Variants in CYB5R4 observed in about 807,000 individuals in gnomAD.
CYB5R4 encodes the protein N-terminal cytochrome b5 and cytochrome b5 oxidoreductase domain-containing protein.
A neutral mutation model predicts 70.2 loss-of-function variants in CYB5R4; 55 were observed. That is an observed-to-expected ratio of 0.78 (90% confidence interval 0.63 to 0.98). CYB5R4 has a LOEUF of 0.98. CYB5R4 is among the 50% of genes least tolerant of loss of function. The pLI is 0.00. For synonymous variants in CYB5R4, 197 were observed against 199.5 expected, an observed-to-expected ratio of 0.99 and a Z score of 0.11; for missense variants, 562 against 612.6, an observed-to-expected ratio of 0.92 and a Z score of 0.87.
At chr6:83,950,142 C>T (rs1482202360) in intron 14 of CYB5R4, among the ~76,000 whole-genome samples, 7 of 152,046 alleles carry the variant, frequency 4.6e-5, no homozygotes, top group African/African-American at 1.7e-4. Context: ...GAATACTACT[C>T]TTTCTATTTC....
chr6:83,924,986 A>C lies in CYB5R4; in HGVS notation c.814+394A>C, dbSNP rs562943599. ...AGACATGTTTACTATTTTTCTTCTT[A>C]ATTAAACTGGTTTCTCAGTTTACTT... On this transcript the variant is annotated intron_variant, in intron 10 of 15. Coordinates refer to ENST00000369681, the MANE Select transcript of CYB5R4 (RefSeq NM_016230.4). 5.3e-5 allele frequency among the ~76,000 whole-genome samples: 8 copies of C among 152,248 alleles called. No homozygotes were observed. In the South Asian group the frequency reaches 1.7e-3, roughly 32 times the overall value.
chr6:83,935,003 C>T (rs1350813179), intron 11 of CYB5R4, among the ~76,000 whole-genome samples: 2 of 152,028 alleles, frequency 1.3e-5, no homozygotes, highest in African/African-American at 4.8e-5. Flanking sequence ...ACTAACAAAA[C>T]CCTAAAGGAA....
intron 14 of CYB5R4, among the ~76,000 whole-genome samples, chr6:83,948,078 T>C (rs1350762774): frequency 2.6e-5 from 4 of 152,212 alleles, no homozygotes; most frequent in African/African-American, 9.6e-5. Flanking sequence ...CATGTATGTT[T>C]ATTGCAGCAC....
At chr6:83,924,614 C>G (rs372472919) in intron 10 of CYB5R4, 22 bp downstream of exon 10, 2 of 1,604,786 alleles carry the variant, frequency 1.2e-6, no homozygotes, top group East Asian at 2.2e-5. Context: ...TCTTTTGTTA[C>G]GTTAATTTCA....
intron 14 of CYB5R4, among the ~76,000 whole-genome samples, chr6:83,942,120 C>T (rs1208003747): frequency 6.6e-6 from 1 of 152,074 alleles, no homozygotes; most frequent in Non-Finnish European, 1.5e-5. Context: ...CTGTCTTCAC[C>T]GTTAGAGCTT....
At chr6:83,910,451 A>G (rs2099464499) in intron 4 of CYB5R4, among the ~76,000 whole-genome samples, 2 of 151,920 alleles carry the variant, frequency 1.3e-5, no homozygotes, top group South Asian at 2.1e-4. Context: ...TCCTTCTGCT[A>G]TAGGGCCCGT....
rs1314602467 is a variant in CYB5R4 at position 83,921,062 on chromosome 6, A to G, written c.565-20A>G. On this transcript the variant is annotated intron_variant, in intron 7 of 15. Transcript: ENST00000369681. ...GAAAATTTTACTTTCTAATCTTTCT[A>G]TTTTTGCTTTCTCTTTAAGGATATC... The G allele has an allele frequency of 4.1e-6, 6 of 1,449,248 alleles. No individual in the cohort carries two copies. The highest frequency in any genetic ancestry group is 5.0e-5 in the East Asian group (2 of 39,646). The allele number at this position is 1,449,248 out of a possible 1,614,324, so 89.8% of individuals were successfully genotyped here.
intron 3 of CYB5R4, among the ~76,000 whole-genome samples, chr6:83,898,494 T>A (rs2099462307): frequency 6.6e-6 from 1 of 152,216 alleles, no homozygotes; most frequent in Non-Finnish European, 1.5e-5. Context: ...TTTCCAGTTC[T>A]GTGAAGAAAG....
intron 3 of CYB5R4, among the ~76,000 whole-genome samples, chr6:83,900,151 AT>A (rs2099462660): frequency 6.6e-6 from 1 of 152,122 alleles, no homozygotes; most frequent in Non-Finnish European, 1.5e-5. Flanking sequence ...TGTCCCAGAA[AT>A]TCTGGTATGT....
intron 2 of CYB5R4, among the ~76,000 whole-genome samples, chr6:83,878,065 G>A (rs1025481635): frequency 1.3e-5 from 2 of 152,082 alleles, no homozygotes; most frequent in Middle Eastern, 3.4e-3. Context: ...TAAGTTTGCA[G>A]AGTCTTTCCT....
intron 10 of CYB5R4, among the ~76,000 whole-genome samples, chr6:83,934,358 CATT>C (rs2099468609): frequency 6.6e-6 from 1 of 151,748 alleles, no homozygotes; most frequent in South Asian, 2.1e-4. Flanking sequence ...AAATAACACT[CATT>C]AAGTTCATTT....
At chr6:83,941,052 CA>C (rs1275797730) in intron 14 of CYB5R4, among the ~76,000 whole-genome samples, 2 of 152,128 alleles carry the variant, frequency 1.3e-5, no homozygotes, top group African/African-American at 4.8e-5. Context: ...ATTTTTTATG[CA>C]TTGCTTAGCA....
At chr6:83,888,188 G>A (rs2099460539) in intron 2 of CYB5R4, among the ~76,000 whole-genome samples, 1 of 152,070 alleles carries the variant, frequency 6.6e-6, no homozygotes, top group Admixed American at 6.6e-5. Context: ...AAATTTAGAT[G>A]GTTTCAAAAT....
intron 15 of CYB5R4, among the ~76,000 whole-genome samples, 158 bp downstream of exon 15, chr6:83,955,620 G>C (rs1341028099): frequency 6.6e-6 from 1 of 152,186 alleles, no homozygotes; most frequent in Non-Finnish European, 1.5e-5. Flanking sequence ...TATAGTTTGA[G>C]TTGGAGGCCA....
chr6:83,952,922 C>G (rs558841122), intron 14 of CYB5R4, among the ~76,000 whole-genome samples: 31 of 152,198 alleles, frequency 2.0e-4, no homozygotes, highest in African/African-American at 6.7e-4. Context: ...TTAGCAAAAG[C>G]TGATGATGCC....
chr6:83,863,647 C>T (rs1053928191), intron 1 of CYB5R4, among the ~76,000 whole-genome samples: 2 of 152,030 alleles, frequency 1.3e-5, no homozygotes, highest in African/African-American at 4.8e-5. Flanking sequence ...TATGGTCAGC[C>T]CTGTGTAGCC....
At chr6:83,893,722 C>T (rs2099461468) in intron 3 of CYB5R4, 100 bp downstream of exon 3, 1 of 638,704 alleles carries the variant, frequency 1.6e-6, no homozygotes, top group Non-Finnish European at 2.6e-6. Context: ...GCATAAATTC[C>T]AGATGCATTG....
At chr6:83,933,291 T>C (rs1009721675) in intron 10 of CYB5R4, among the ~76,000 whole-genome samples, 1 of 152,212 alleles carries the variant, frequency 6.6e-6, no homozygotes, top group Non-Finnish European at 1.5e-5. Flanking sequence ...CATAAAGCGA[T>C]ATAGTCTAAG....
At chr6:83,866,255 G>A (rs1297876230) in intron 2 of CYB5R4, among the ~76,000 whole-genome samples, 2 of 152,196 alleles carry the variant, frequency 1.3e-5, no homozygotes, top group Admixed American at 6.5e-5. Flanking sequence ...TTCATATGAT[G>A]TATTGATGGG....
Sources: allele counts gnomAD v4.1 joint callset (sites outside exome capture counted in the v4.1 genomes callset), GRCh38; gene constraint gnomAD v4.1.1; transcripts MANE v1.5; gene names NCBI Gene and HGNC (gene_info 2026-07-23, HGNC 2026-07-21).